DNAJC3: variants seen among roughly 807,000 people sequenced by gnomAD.
The protein encoded by DNAJC3 is dnaJ homolog subfamily C member 3.
DNAJC3 carries 38 observed loss-of-function variants against 68.6 expected under a neutral mutation model. The ratio of observed to expected loss-of-function variants is 0.55; its 90% CI spans 0.43 to 0.73. DNAJC3 has a LOEUF of 0.73. Ranked by LOEUF, DNAJC3 falls within the 30% of genes least tolerant of loss-of-function variation. The pLI is 0.00. For missense variants in DNAJC3, 526 were observed against 591.9 expected (o/e 0.89, Z 1.16); for synonymous variants, 203 against 204.0 (o/e 1.00, Z 0.04).
intron 1 of DNAJC3, among the ~76,000 whole-genome samples, chr13:95,708,216 G>A (rs77445135): frequency 0.022 from 3,295 of 152,304 alleles, 57 homozygotes; most frequent in Middle Eastern, 0.085. Flanking sequence ...TACTGACAAA[G>A]CATAACATTG....
At chr13:95,704,256 TG>T (rs1202604799) in intron 1 of DNAJC3, among the ~76,000 whole-genome samples, 1 of 152,160 alleles carries the variant, frequency 6.6e-6, no homozygotes, top group East Asian at 1.9e-4. Flanking sequence ...ATTTTGCAAG[TG>T]GCTTATGTGG....
chr13:95,688,848 G>A (rs530321514), intron 1 of DNAJC3, among the ~76,000 whole-genome samples: 120 of 151,854 alleles, frequency 7.9e-4, no homozygotes, highest in Non-Finnish European at 1.6e-3. Flanking sequence ...TTTTAATTCT[G>A]TTTATGTGGT....
intron 4 of DNAJC3, among the ~76,000 whole-genome samples, chr13:95,740,837 C>T (rs1223802992): frequency 2.0e-5 from 3 of 152,102 alleles, no homozygotes; most frequent in African/African-American, 7.2e-5. Flanking sequence ...GGCTCCTCCC[C>T]TGAAGCTCTT....
At chr13:95,739,790 C>T (rs1418807064) in intron 4 of DNAJC3, among the ~76,000 whole-genome samples, 1 of 152,178 alleles carries the variant, frequency 6.6e-6, no homozygotes, top group African/African-American at 2.4e-5. Flanking sequence ...ATTTGATCGT[C>T]TGAAGCCTTC....
intron 2 of DNAJC3, among the ~76,000 whole-genome samples, chr13:95,710,295 T>C (rs777492680): frequency 3.5e-4 from 52 of 150,498 alleles, no homozygotes; most frequent in Non-Finnish European, 3.1e-4. Flanking sequence ...CTGGAGTGCA[T>C]TGGTGTGATT....
intron 1 of DNAJC3, among the ~76,000 whole-genome samples, chr13:95,705,346 T>C (rs578069335): frequency 1.6e-4 from 24 of 152,264 alleles, no homozygotes; most frequent in Non-Finnish European, 3.2e-4. Context: ...GGTTCAGTGC[T>C]GCTGCTTAAG....
Position 95,760,240 on chromosome 13 carries a change from C to T in DNAJC3, c.728+19C>T, listed in dbSNP as rs1882782799. ...CCCTCAGGTCAGTTCTAGTGACACA[C>T]ATGTCTGATCTTTTTTAATTGTTGG... is the stretch of plus-strand genomic sequence containing the variant. On this transcript the variant is annotated intron_variant, in intron 6 of 11. Coordinates refer to ENST00000602402, the MANE Select transcript of DNAJC3 (RefSeq NM_006260.5). 6.7e-7 allele frequency: 1 copy of T among 1,487,334 alleles called. No homozygotes were observed. The highest frequency in any genetic ancestry group is 8.9e-7 in the Non-Finnish European group (1 of 1,117,688). The allele number at this position is 1,487,334 out of a possible 1,614,324, so 92.1% of individuals were successfully genotyped here. A position where few individuals can be genotyped will look rare whatever the true frequency, so the allele number is the denominator to read the frequency against.
At chr13:95,768,227 T>C (rs560392133) in intron 9 of DNAJC3, among the ~76,000 whole-genome samples, 1 of 152,228 alleles carries the variant, frequency 6.6e-6, no homozygotes, top group Non-Finnish European at 1.5e-5. Context: ...ATCTGTAAAA[T>C]AGGAATAAGA....
rs1273669855 is a variant in DNAJC3, at chr13:95,787,115, C to T, written c.1317C>T (p.Phe439=). The T allele has an allele frequency of 4.3e-6, 7 of 1,613,750 alleles. No homozygotes were observed. Residue 439 remains phenylalanine (F), a synonymous_variant, in exon 11 of 12, where the codon TTC becomes TTT. Coordinates refer to ENST00000602402, the MANE Select transcript of DNAJC3 (RefSeq NM_006260.5). ...EEEKKKAEKK[F]IDIAAAKEVL... ...AAAAGAAAAAAGCTGAGAAAAAGTTCATTGATATAGCAGCTGCTAAAGAAG... is the reference window on the plus strand; with the variant it reads ...AAAAGAAAAAAGCTGAGAAAAAGTTTATTGATATAGCAGCTGCTAAAGAAG...
At chr13:95,732,881 CA>C (rs1366546236) in intron 4 of DNAJC3, among the ~76,000 whole-genome samples, 2 of 151,670 alleles carry the variant, frequency 1.3e-5, no homozygotes, top group Admixed American at 6.6e-5. Context: ...TCATTTGTTT[CA>C]AAAAAATTTT....
chr13:95,694,330 T>C (rs1251882844), intron 1 of DNAJC3: 2 of 152,476 alleles, frequency 1.3e-5, no homozygotes, highest in African/African-American at 4.8e-5. Flanking sequence ...CAAATAAATC[T>C]AAAAGACTAT....
intron 2 of DNAJC3, among the ~76,000 whole-genome samples, chr13:95,720,104 T>C (rs1881275794): frequency 6.6e-6 from 1 of 152,108 alleles, no homozygotes; most frequent in African/African-American, 2.4e-5. Flanking sequence ...TAATTAATAA[T>C]CAGTGCTTAG....
intron 4 of DNAJC3, among the ~76,000 whole-genome samples, chr13:95,734,552 C>T (rs73550601): frequency 0.017 from 2,604 of 152,228 alleles, 78 homozygotes; most frequent in African/African-American, 0.06. Context: ...TGTCTATCGA[C>T]GTCTAAATCT....
chr13:95,769,712 C>G (rs1196840637), intron 9 of DNAJC3, among the ~76,000 whole-genome samples: 1 of 152,222 alleles, frequency 6.6e-6, no homozygotes, highest in Non-Finnish European at 1.5e-5. Flanking sequence ...GTCATGCTTG[C>G]AGTTTTTATT....
At chr13:95,708,239 A>G (rs1880824984) in intron 1 of DNAJC3, among the ~76,000 whole-genome samples, 1 of 152,258 alleles carries the variant, frequency 6.6e-6, no homozygotes, top group Non-Finnish European at 1.5e-5. Context: ...CTCACTGTAA[A>G]GAGGAAATGC....
At chr13:95,756,633 A>G (rs983535030) in intron 4 of DNAJC3, among the ~76,000 whole-genome samples, 1 of 152,200 alleles carries the variant, frequency 6.6e-6, no homozygotes, top group South Asian at 2.1e-4. Context: ...CTCATTGAGG[A>G]GGGAGATTTC....
At chr13:95,719,250 A>G (rs1409790741) in intron 2 of DNAJC3, among the ~76,000 whole-genome samples, 1 of 152,220 alleles carries the variant, frequency 6.6e-6, no homozygotes, top group African/African-American at 2.4e-5. Flanking sequence ...ACCACCCTCT[A>G]GGAGCCTCCA....
intron 11 of DNAJC3, among the ~76,000 whole-genome samples, chr13:95,788,296 C>G (rs1410836192): frequency 6.6e-6 from 1 of 152,200 alleles, no homozygotes; most frequent in African/African-American, 2.4e-5. Context: ...GTGCAGTGCA[C>G]AGGTGTGATA....
At chr13:95,742,719 A>C in intron 4 of DNAJC3, 1 of 518,992 alleles carries the variant, frequency 1.9e-6, no homozygotes, top group Non-Finnish European at 3.8e-6. Context: ...CTTATGAAGA[A>C]GGTGACTTTC....
Sources: gnomAD v4.1 joint callset for allele counts (sites outside exome capture counted in the v4.1 genomes callset) on GRCh38, gnomAD v4.1.1 for gene constraint, MANE v1.5 for transcripts, NCBI Gene and HGNC (gene_info 2026-07-23, HGNC 2026-07-21) for gene names.